Variants in TSPEAR observed in about 807,000 individuals in gnomAD.
TSPEAR encodes thrombospondin-type laminin G domain and EAR repeat-containing protein.
Under a neutral mutation model 71.6 loss-of-function variants are expected in TSPEAR, and 69 were observed. The ratio of observed to expected loss-of-function variants is 0.96; its 90% CI spans 0.79 to 1.18. The LOEUF (loss-of-function observed/expected upper bound fraction) is 1.18, where lower values mean the gene tolerates loss of function less well. Ranked by LOEUF, TSPEAR falls within the 50% of genes most tolerant of loss-of-function variation. TSPEAR has a pLI of 0.00. For missense variants in TSPEAR, 971 were observed against 894.9 expected (o/e 1.09, Z -1.09); for synonymous variants, 402 against 387.2 (o/e 1.04, Z -0.45).
chr21:44,590,870 G>T (rs1428665208), intron 1 of TSPEAR, among the ~76,000 whole-genome samples: 1 of 151,998 alleles, frequency 6.6e-6, no homozygotes, highest in Non-Finnish European at 1.5e-5. Flanking sequence ...GGGGTTGGGG[G>T]CCCACGGGGC....
At chr21:44,588,992 A>T (rs1262478627) in intron 1 of TSPEAR, among the ~76,000 whole-genome samples, 13 of 151,696 alleles carry the variant, frequency 8.6e-5, no homozygotes, top group Non-Finnish European at 1.5e-4. Flanking sequence ...GACTTTGGGG[A>T]CTGAGAGGGA....
At chr21:44,535,276 C>T (rs1298429584) in intron 2 of TSPEAR, among the ~76,000 whole-genome samples, 6 of 152,070 alleles carry the variant, frequency 3.9e-5, no homozygotes, top group Admixed American at 1.3e-4. Flanking sequence ...TATACAAATG[C>T]GGTGTCCACC....
At chr21:44,583,014 G>A (rs1979103563) in intron 1 of TSPEAR, among the ~76,000 whole-genome samples, 1 of 144,354 alleles carries the variant, frequency 6.9e-6, no homozygotes, top group African/African-American at 2.6e-5. Context: ...TTTTTTTTTT[G>A]TATTTTTAGT....
chr21:44,581,985 AATTTTG>A (rs1383025173), intron 1 of TSPEAR, among the ~76,000 whole-genome samples: 1 of 152,274 alleles, frequency 6.6e-6, no homozygotes, highest in East Asian at 1.9e-4. Context: ...TTTGTTAGAC[AATTTTG>A]ATTTTATTTT....
At chr21:44,702,137 C>T (rs1471591380) in intron 1 of TSPEAR, 2 of 1,229,476 alleles carry the variant, frequency 1.6e-6, no homozygotes, top group African/African-American at 1.5e-5. Flanking sequence ...CACATGAGCA[C>T]AGGGGTGGAG....
intron 1 of TSPEAR, among the ~76,000 whole-genome samples, chr21:44,611,688 T>TA (rs201021251): frequency 2.8e-4 from 43 of 152,036 alleles, no homozygotes; most frequent in Non-Finnish European, 4.6e-4. Flanking sequence ...CATCTGCTGG[T>TA]AAAAAAACAC....
At position 44,555,342 on chromosome 21, in the gene TSPEAR, C is replaced by G. The variant is rs369470833; in HGVS notation, c.303+12443G>C. Reference sequence around the variant, plus strand: ...GACGTCTCCCAGGTCCGACGGCTGCCGGGGCCCACACAGAGCCTCCTCTCC... The same window carrying G: ...GACGTCTCCCAGGTCCGACGGCTGCGGGGGCCCACACAGAGCCTCCTCTCC... On this transcript the variant is annotated intron_variant, in intron 2 of 11. Coordinates refer to ENST00000323084, the MANE Select transcript of TSPEAR (RefSeq NM_144991.3). Among the ~76,000 whole-genome samples, 367 of 151,894 alleles carry G rather than the reference C, an allele frequency of 2.4e-3. 1 individual carries two copies. Among genetic ancestry groups the G allele is most frequent in the African/African-American group, 8.1e-3 (333 of 41,160 alleles).
chr21:44,627,540 G>A (rs375385787), intron 1 of TSPEAR: 3 of 1,583,934 alleles, frequency 1.9e-6, no homozygotes, highest in African/African-American at 1.4e-5. Context: ...GCTGCCAACA[G>A]TCTAGCTACC....
At chr21:44,607,652 T>G (rs8128246) in intron 1 of TSPEAR, among the ~76,000 whole-genome samples, 3,670 of 152,288 alleles carry the variant, frequency 0.024, 134 homozygotes, top group African/African-American at 0.074. Flanking sequence ...CAAATGATAC[T>G]ATTAATACCA....
rs1440252353 is a variant in TSPEAR, at chr21:44,697,498, CT to C, written c.82+13934del. The C allele has an allele frequency of 1.5e-5, 25 of 1,613,534 alleles. No individual in the cohort carries two copies. In the Admixed American group the frequency reaches 4.2e-4, roughly 27 times the overall value. On this transcript the variant is annotated intron_variant, in intron 1 of 11. Coordinates refer to ENST00000323084, the MANE Select transcript of TSPEAR (RefSeq NM_144991.3). ...AGCCGGCTTGCTGCACCTCCTCCCC[CT>C]GCCAGCAGGCCTGCTGCGTGCCCGT...
intron 9 of TSPEAR, among the ~76,000 whole-genome samples, chr21:44,511,361 TACAC>T (rs141434621): frequency 5.6e-4 from 84 of 150,934 alleles, no homozygotes; most frequent in African/African-American, 1.1e-3. Context: ...ATGCACTGTG[TACAC>T]ACACACATAT....
At chr21:44,584,142 G>C (rs1189493828) in intron 1 of TSPEAR, among the ~76,000 whole-genome samples, 1 of 152,136 alleles carries the variant, frequency 6.6e-6, no homozygotes, top group African/African-American at 2.4e-5. Flanking sequence ...CTGCTTTGCC[G>C]AGCTTGGCTT....
rs782588842 is a variant in TSPEAR, at chr21:44,657,997, C to T, written c.82+53436G>A. 4.0e-5 allele frequency: 65 copies of T among 1,613,556 alleles called. 1 individual carries two copies. In the East Asian group the frequency reaches 9.4e-4, roughly 23 times the overall value. The stretch of plus-strand genomic sequence containing the variant: ...ACGCCACCATGTGCCACACCAGCTG[C>T]TCCCCAGCCTGCCAGCCAACCTGCT... On this transcript the variant is annotated intron_variant, in intron 1 of 11. Transcript: ENST00000323084.
chr21:44,627,094 C>A, intron 1 of TSPEAR: 2 of 1,563,266 alleles, frequency 1.3e-6, no homozygotes, highest in Non-Finnish European at 1.7e-6. Context: ...AAGAACCTCA[C>A]ACACTCACAA....
chr21:44,511,161 T>G (rs944146209), intron 9 of TSPEAR: 2 of 152,258 alleles, frequency 1.3e-5, no homozygotes, highest in African/African-American at 4.8e-5. Flanking sequence ...CCTGGGCTCC[T>G]CCCACGCCTG....
At chr21:44,595,011 A>G (rs1437893405) in intron 1 of TSPEAR, among the ~76,000 whole-genome samples, 1 of 151,902 alleles carries the variant, frequency 6.6e-6, no homozygotes, top group African/African-American at 2.4e-5. Context: ...TAGTAGAGAC[A>G]GGGTTTCACC....
At chr21:44,552,534 G>A (rs2053459697) in intron 2 of TSPEAR, among the ~76,000 whole-genome samples, 1 of 152,186 alleles carries the variant, frequency 6.6e-6, no homozygotes, top group African/African-American at 2.4e-5. Flanking sequence ...TCATAGCGTA[G>A]CAGGAGGTGA....
At chr21:44,554,569 C>A (rs908753051) in intron 2 of TSPEAR, among the ~76,000 whole-genome samples, 1 of 152,184 alleles carries the variant, frequency 6.6e-6, no homozygotes, top group Non-Finnish European at 1.5e-5. Context: ...ATAACAGATG[C>A]ATACAACAGA....
At chr21:44,654,205 G>C in intron 1 of TSPEAR, 1 of 1,268,344 alleles carries the variant, frequency 7.9e-7, no homozygotes, top group Non-Finnish European at 1.1e-6. Context: ...TGTGGGGACT[G>C]CCTGGCAGGA....
Sources: gnomAD v4.1 joint callset for allele counts (sites outside exome capture counted in the v4.1 genomes callset) on GRCh38, gnomAD v4.1.1 for gene constraint, MANE v1.5 for transcripts, NCBI Gene and HGNC (gene_info 2026-07-23, HGNC 2026-07-21) for gene names.